XPOT: variants seen among roughly 807,000 people sequenced by gnomAD.
XPOT encodes the protein exportin-T.
In XPOT, 34 loss-of-function variants were observed where a neutral mutation model predicts 128.2. The ratio of observed to expected loss-of-function variants is 0.27; its 90% CI spans 0.20 to 0.35. The LOEUF (loss-of-function observed/expected upper bound fraction) is 0.35. Among genes scored for constraint, XPOT ranks in the 10% least tolerant of loss-of-function variants. The pLI is 1.00. For missense variants in XPOT, 838 were observed against 1,125.3 expected (o/e 0.74, Z 3.65); for synonymous variants, 348 against 394.3 (o/e 0.88, Z 1.39).
At chr12:64,427,117 C>CTT (rs869255660) in intron 15 of XPOT, among the ~76,000 whole-genome samples, 20 of 128,700 alleles carry the variant, frequency 1.6e-4, no homozygotes, top group Admixed American at 2.4e-4. Flanking sequence ...TACTCCCGAC[C>CTT]TTTTTTTTTT....
chr12:64,425,558 CCT>C (rs1430610268), intron 14 of XPOT, 101 bp downstream of exon 14: 2 of 1,451,036 alleles, frequency 1.4e-6, no homozygotes, highest in Admixed American at 2.1e-5. Context: ...AGAATCAAAA[CCT>C]CTCAGAAGTG....
intron 22 of XPOT, among the ~76,000 whole-genome samples, chr12:64,436,789 TACACTGGTCTTGA>T (rs1200009550): frequency 6.6e-5 from 10 of 152,170 alleles, no homozygotes. Context: ...CCATTGTCCC[TACACTGGTCTTGA>T]ACTCCTGGGC....
At chr12:64,447,865 T>G (rs2040378266) in intron 24 of XPOT, among the ~76,000 whole-genome samples, 1 of 152,254 alleles carries the variant, frequency 6.6e-6, no homozygotes, top group Non-Finnish European at 1.5e-5. Flanking sequence ...AGCATAGAGA[T>G]AACACCATAT....
At position 64,435,345 on chromosome 12, in the gene XPOT, T is replaced by A. The variant is rs577981215; in HGVS notation, c.2686-282T>A. ...CACAATACTTAATGTCAATTTCCGC[T>A]TTCTCACTTTCCCACAACCTGGTAA... is the stretch of plus-strand genomic sequence containing the variant. On this transcript the variant is annotated intron_variant, in intron 21 of 24. Transcript: ENST00000332707. 3.3e-5 allele frequency among the ~76,000 whole-genome samples: 5 copies of A among 152,368 alleles called. No individual in the cohort carries two copies. In the South Asian group the frequency reaches 1.0e-3, roughly 32 times the overall value.
At position 64,431,724 on chromosome 12, in the gene XPOT, G is replaced by A. The variant is rs367559244; in HGVS notation, c.2163G>A (p.Pro721=). 21 of 1,613,868 alleles carry A rather than the reference G, an allele frequency of 1.3e-5. No homozygotes were observed. The highest frequency in any genetic ancestry group is 3.3e-5 in the South Asian group (3 of 91,082). The change falls in exon 18 of 25, where the codon CCG becomes CCA. Residue 721 remains proline (P), a synonymous_variant. Transcript: ENST00000332707. ...TTTGCCTGGAGGAAGAAGTTCTTCCGTTCATTCCATCTGCTTCAGAACATA... is the reference window on the plus strand; with the variant it reads ...TTTGCCTGGAGGAAGAAGTTCTTCCATTCATTCCATCTGCTTCAGAACATA... ...MIICLEEEVL[P]FIPSASEHML...
chr12:64,432,561 C>A (rs1394781205), intron 18 of XPOT, among the ~76,000 whole-genome samples: 2 of 152,088 alleles, frequency 1.3e-5, no homozygotes, highest in Non-Finnish European at 2.9e-5. Flanking sequence ...TTTCTATGTT[C>A]AAAATCTGTT....
chr12:64,434,378 T>C, intron 19 of XPOT, 129 bp from the exon 20 acceptor site: 1 of 635,994 alleles, frequency 1.6e-6, no homozygotes, highest in Admixed American at 2.7e-5. Flanking sequence ...AAATGCTTTT[T>C]TCCCCCTTCA....
chr12:64,422,246 T>A (rs137984877), intron 9 of XPOT, among the ~76,000 whole-genome samples: 200 of 152,400 alleles, frequency 1.3e-3, no homozygotes, highest in Non-Finnish European at 1.9e-3. Context: ...CATTTCTGTA[T>A]ATTTACTTTG....
At chr12:64,443,815 T>G (rs2040346468) in intron 23 of XPOT, among the ~76,000 whole-genome samples, 1 of 151,624 alleles carries the variant, frequency 6.6e-6, no homozygotes, top group Non-Finnish European at 1.5e-5. Flanking sequence ...AGATTTCACA[T>G]GAGTTTAAAA....
At chr12:64,416,638 T>G in intron 3 of XPOT, 60 bp from the exon 4 acceptor site, 1 of 1,435,854 alleles carries the variant, frequency 7.0e-7, no homozygotes, top group African/African-American at 1.4e-5. Flanking sequence ...CTATTTTGCC[T>G]TTGATTTGTT....
chr12:64,415,581 G>C (rs975965942), intron 3 of XPOT, among the ~76,000 whole-genome samples: 1 of 152,002 alleles, frequency 6.6e-6, no homozygotes, highest in Non-Finnish European at 1.5e-5. Flanking sequence ...GGGTTTCACT[G>C]TGTTGGCCAG....
chr12:64,427,176 A>G (rs1224830928), intron 15 of XPOT, among the ~76,000 whole-genome samples: 2 of 147,624 alleles, frequency 1.4e-5, no homozygotes, highest in African/African-American at 2.5e-5. Context: ...CTGGAGTACA[A>G]TGGCATGATC....
At chr12:64,406,295 C>T (rs1248115876) in intron 1 of XPOT, among the ~76,000 whole-genome samples, 3 of 151,998 alleles carry the variant, frequency 2.0e-5, no homozygotes, top group South Asian at 2.1e-4. Flanking sequence ...AGGCTGGTCT[C>T]GAACTCCTGA....
At chr12:64,412,323 C>T (rs2136012436) in intron 2 of XPOT, among the ~76,000 whole-genome samples, 1 of 152,140 alleles carries the variant, frequency 6.6e-6, no homozygotes, top group East Asian at 1.9e-4. Flanking sequence ...CCGCGCCCAG[C>T]CTCCTCCTTT....
At position 64,423,168 on chromosome 12, in the gene XPOT, A is replaced by T; in HGVS notation, c.1120-14A>T. On this transcript the variant is annotated splice_polypyrimidine_tract_variant and intron_variant, in intron 10 of 24. Transcript: ENST00000332707. ...GACTGACAAAAACTCTTTTATTCTC[A>T]ATTTTATTCTTAGGCAATCATGTTG... The T allele has an allele frequency of 3.1e-6, 5 of 1,599,902 alleles. No homozygotes were observed. Among genetic ancestry groups the T allele is most frequent in the Non-Finnish European group, 4.3e-6 (5 of 1,175,114 alleles).
At chr12:64,445,649 T>C (rs1350358707) in intron 24 of XPOT, among the ~76,000 whole-genome samples, 1 of 152,202 alleles carries the variant, frequency 6.6e-6, no homozygotes, top group Non-Finnish European at 1.5e-5. Context: ...GAAACTGTCT[T>C]GGTCTTACCT....
intron 2 of XPOT, among the ~76,000 whole-genome samples, chr12:64,414,586 C>T (rs971966168): frequency 3.3e-5 from 5 of 152,172 alleles, no homozygotes; most frequent in Admixed American, 3.3e-4. Context: ...TGCAATTTCT[C>T]AGTAGTATGG....
intron 17 of XPOT, 37 bp from the exon 18 acceptor site, chr12:64,431,501 A>G (rs2040238058): frequency 8.8e-6 from 14 of 1,599,538 alleles, no homozygotes; most frequent in Non-Finnish European, 1.2e-5. Context: ...TTTAAAGAAT[A>G]AAGTTGCATC....
intron 6 of XPOT, among the ~76,000 whole-genome samples, chr12:64,419,494 T>G (rs972346396): frequency 2.6e-4 from 39 of 152,170 alleles, no homozygotes; most frequent in Non-Finnish European, 4.7e-4. Flanking sequence ...ATTTTTGTAT[T>G]TTTTGTAGAG....
Sources: allele counts gnomAD v4.1 joint callset (sites outside exome capture counted in the v4.1 genomes callset), GRCh38; gene constraint gnomAD v4.1.1; transcripts MANE v1.5; gene names NCBI Gene and HGNC (gene_info 2026-07-23, HGNC 2026-07-21).